CNTLN: variants seen among roughly 807,000 people sequenced by gnomAD.
The protein encoded by CNTLN is centlein, also known as centlein, centrosomal protein.
Under a neutral mutation model 180.0 loss-of-function variants are expected in CNTLN, and 212 were observed. That is an observed-to-expected ratio of 1.18 (90% CI 1.05 to 1.32). The LOEUF is 1.32. Among genes scored for constraint, CNTLN ranks in the 40% most tolerant of loss-of-function variants. CNTLN has a pLI of 0.00. For synonymous variants in CNTLN, 722 were observed against 563.1 expected, an observed-to-expected ratio of 1.28 and a Z score of -3.99; for missense variants, 2,095 against 1,610.9, an observed-to-expected ratio of 1.30 and a Z score of -5.14.
chr9:17,379,447 T>C (rs1385795866), intron 13 of CNTLN, among the ~76,000 whole-genome samples: 1 of 152,120 alleles, frequency 6.6e-6, no homozygotes, highest in Non-Finnish European at 1.5e-5. Flanking sequence ...CCAGGGTATG[T>C]CTCCTTAATT....
intron 5 of CNTLN, 37 bp from the exon 6 acceptor site, chr9:17,273,696 T>C (rs768017734): frequency 2.7e-6 from 3 of 1,114,150 alleles, no homozygotes; most frequent in Non-Finnish European, 3.7e-6. Flanking sequence ...GTAGTATTTA[T>C]TATGTTTGAT....
chr9:17,302,097 C>T (rs1423277215), intron 7 of CNTLN: 3 of 951,668 alleles, frequency 3.2e-6, no homozygotes, highest in East Asian at 1.2e-4. Flanking sequence ...TGTACACACA[C>T]ACACACACAC....
intron 2 of CNTLN, among the ~76,000 whole-genome samples, chr9:17,187,880 G>A (rs915280664): frequency 1.3e-5 from 2 of 151,288 alleles, no homozygotes; most frequent in African/African-American, 4.8e-5. Context: ...GACCTTTTGT[G>A]GCATCCTCTC....
At chr9:17,350,115 T>G (rs1488834879) in intron 12 of CNTLN, among the ~76,000 whole-genome samples, 1 of 152,158 alleles carries the variant, frequency 6.6e-6, no homozygotes, top group Non-Finnish European at 1.5e-5. Context: ...AAAGTATTAG[T>G]AAAAAAAGTT....
chr9:17,176,272 T>A (rs555041994), intron 2 of CNTLN, among the ~76,000 whole-genome samples: 1 of 151,952 alleles, frequency 6.6e-6, no homozygotes, highest in African/African-American at 2.4e-5. Context: ...TTTCTGTTCC[T>A]AGATTGCTGA....
At chr9:17,180,155 C>T (rs1398071987) in intron 2 of CNTLN, among the ~76,000 whole-genome samples, 1 of 149,268 alleles carries the variant, frequency 6.7e-6, no homozygotes, top group Admixed American at 6.7e-5. Flanking sequence ...AGATTATTTA[C>T]ATTCAGCTTG....
chr9:17,411,150 A>G (rs1448056172), intron 16 of CNTLN, among the ~76,000 whole-genome samples: 1 of 152,128 alleles, frequency 6.6e-6, no homozygotes, highest in Admixed American at 6.5e-5. Context: ...AAGGAACAAC[A>G]TGGTGGTGAG....
rs139388501 is a variant in CNTLN at position 17,433,129 on chromosome 9, A to C, written c.3114+16940A>C. Among the ~76,000 whole-genome samples the C allele has an allele frequency of 3.3e-3, 505 of 152,116 alleles. 3 individuals are homozygous for C. The highest frequency in any genetic ancestry group is 0.011 in the African/African-American group (471 of 41,530). ...TCACTAGAGGAAGCTATTTGATTAG[A>C]GTAAAAGTGATCTGAGATATAATAA... On this transcript the variant is annotated intron_variant, in intron 18 of 25. Coordinates refer to ENST00000380647, the MANE Select transcript of CNTLN (RefSeq NM_017738.4).
At chr9:17,202,654 T>TG (rs1277972096) in intron 2 of CNTLN, among the ~76,000 whole-genome samples, 4 of 107,258 alleles carry the variant, frequency 3.7e-5, no homozygotes, top group African/African-American at 1.7e-4. Flanking sequence ...CTGTTTTTTT[T>TG]TTTTTTTTTT....
chr9:17,467,338 G>A (rs1034585846), intron 23 of CNTLN, among the ~76,000 whole-genome samples: 3 of 151,474 alleles, frequency 2.0e-5, no homozygotes, highest in African/African-American at 7.3e-5. Flanking sequence ...ACAGAACAAA[G>A]AGAAGACAAA....
At chr9:17,370,160 G>A (rs1177811910) in intron 13 of CNTLN, among the ~76,000 whole-genome samples, 1 of 152,074 alleles carries the variant, frequency 6.6e-6, no homozygotes, top group East Asian at 1.9e-4. Flanking sequence ...AAATAACAGA[G>A]AACTTTTCAA....
intron 2 of CNTLN, among the ~76,000 whole-genome samples, chr9:17,185,766 C>G (rs1187603072): frequency 1.8e-5 from 2 of 108,582 alleles, no homozygotes; most frequent in Non-Finnish European, 3.7e-5. Context: ...TGAAATGTTT[C>G]CCATTTGTGT....
intron 5 of CNTLN, among the ~76,000 whole-genome samples, chr9:17,260,805 T>C (rs1026294344): frequency 2.6e-5 from 4 of 151,388 alleles, no homozygotes; most frequent in African/African-American, 9.8e-5. Context: ...CTTCAAAGGT[T>C]TTTTTAGCTT....
intron 10 of CNTLN, among the ~76,000 whole-genome samples, chr9:17,337,122 T>G: frequency 6.6e-6 from 1 of 152,250 alleles, no homozygotes; most frequent in East Asian, 1.9e-4. Flanking sequence ...GAGAAGTGTC[T>G]GTTCATATCC....
intron 6 of CNTLN, among the ~76,000 whole-genome samples, chr9:17,293,838 C>G (rs1389370310): frequency 6.6e-6 from 1 of 152,096 alleles, no homozygotes; most frequent in Non-Finnish European, 1.5e-5. Context: ...CAGCTCTGCA[C>G]TTGGGACCCA....
chr9:17,332,801 C>T (rs965716429), intron 10 of CNTLN, 71 bp downstream of exon 10: 6 of 1,237,134 alleles, frequency 4.8e-6, no homozygotes, highest in Non-Finnish European at 6.5e-6. Context: ...ACATACAGTT[C>T]ATAGATTACT....
chr9:17,473,592 C>CA lies in CNTLN; in HGVS notation c.3855+6715dup, dbSNP rs1208961626. 5.9e-3 allele frequency among the ~76,000 whole-genome samples: 779 copies of CA among 132,734 alleles called. 12 individuals carry two copies. The highest frequency in any genetic ancestry group is 0.023 in the African/African-American group (699 of 30,970). 87.1% of individuals were successfully genotyped at this position (132,734 alleles called of 152,430 possible). A position where few individuals can be genotyped will look rare whatever the true frequency, so the allele number is the denominator to read the frequency against. On this transcript the variant is annotated intron_variant, in intron 23 of 25. Coordinates refer to ENST00000380647, the MANE Select transcript of CNTLN (RefSeq NM_017738.4). The stretch of plus-strand genomic sequence containing the variant: ...TCATTAGCAAACACACACCATTTAC[C>CA]AAAAAAAAAAAAAACAAAACAAAAA...
chr9:17,394,657 G>A lies in CNTLN; in HGVS notation c.2203G>A (p.Asp735Asn). 1 of 1,612,498 alleles carries A rather than the reference G, an allele frequency of 6.2e-7. No individual in the cohort carries two copies. Among genetic ancestry groups the A allele is most frequent in the Non-Finnish European group, 8.5e-7 (1 of 1,179,342 alleles). ...ATCCCTCTTAAAACAGCAACAAGAA[G>A]ATACAGAGACCAGAGAAAAAGAGCT... ...LKSLLKQQQEDTETREKELEQ... is the reference protein window; with the variant it reads ...LKSLLKQQQENTETREKELEQ... The change falls in exon 15 of 26, where the codon GAT (aspartate) becomes AAT (asparagine). Residue 735 changes from aspartate (D) to asparagine (N), a missense_variant. Transcript: ENST00000380647.
At chr9:17,370,491 A>G (rs1427305762) in intron 13 of CNTLN, among the ~76,000 whole-genome samples, 10 of 152,212 alleles carry the variant, frequency 6.6e-5, no homozygotes, top group Non-Finnish European at 1.5e-4. Flanking sequence ...ATGAAGGAGA[A>G]ATGCTTTGAC....
Sources: allele counts gnomAD v4.1 joint callset (sites outside exome capture counted in the v4.1 genomes callset), GRCh38; gene constraint gnomAD v4.1.1; transcripts MANE v1.5; gene names NCBI Gene and HGNC (gene_info 2026-07-23, HGNC 2026-07-21).